Variants in SLC35D1 observed in about 807,000 individuals in gnomAD.
The protein encoded by SLC35D1 is solute carrier family 35 member D1, also known as nucleotide sugar transporter SLC35D1.
Under a neutral mutation model 46.7 loss-of-function variants are expected in SLC35D1, and 31 were observed. The ratio of observed to expected loss-of-function variants is 0.66; its 90% CI spans 0.50 to 0.90. SLC35D1 has a LOEUF of 0.90. SLC35D1 is among the 40% of genes least tolerant of loss of function. The pLI is 0.00. For synonymous variants in SLC35D1, 195 were observed against 164.6 expected (o/e 1.18, Z -1.41); for missense variants, 397 against 426.2 (o/e 0.93, Z 0.60).
intron 8 of SLC35D1, among the ~76,000 whole-genome samples, chr1:67,024,406 T>C (rs1489785405): frequency 6.6e-6 from 1 of 152,192 alleles, no homozygotes; most frequent in Non-Finnish European, 1.5e-5. Context: ...TTTCTTCTAG[T>C]TTTATGGTTT....
chr1:67,010,378 T>C (rs905032969), intron 10 of SLC35D1, among the ~76,000 whole-genome samples: 2 of 152,058 alleles, frequency 1.3e-5, no homozygotes, highest in African/African-American at 4.8e-5. Context: ...AAGGGAATGG[T>C]GGGGACTTTA....
chr1:66,986,081 A>G, the SLC35D1 span: 1 of 1,046,186 alleles, frequency 9.6e-7, no homozygotes. Flanking sequence ...ATACTTAGAT[A>G]TTGGCACACA....
chr1:67,039,876 G>C (rs1321575705), intron 8 of SLC35D1, among the ~76,000 whole-genome samples: 1 of 152,186 alleles, frequency 6.6e-6, no homozygotes, highest in Non-Finnish European at 1.5e-5. Context: ...ATAAAGCTAG[G>C]TGGGAGAGCA....
chr1:66,988,550 T>A, the SLC35D1 span: 10 of 151,944 alleles, frequency 6.6e-5, no homozygotes, highest in African/African-American at 2.4e-4. Context: ...TATGATTATT[T>A]TCAATTTGTC....
At chr1:66,981,699 G>A in the SLC35D1 span, 5 of 1,112,516 alleles carry the variant, frequency 4.5e-6, no homozygotes, top group Non-Finnish European at 6.5e-6. Flanking sequence ...TATTTGTTAA[G>A]AAAGCCTTCT....
At chr1:67,040,229 T>G (rs1385169097) in intron 8 of SLC35D1, among the ~76,000 whole-genome samples, 4 of 152,050 alleles carry the variant, frequency 2.6e-5, no homozygotes, top group African/African-American at 9.7e-5. Context: ...ATTCCTAGGC[T>G]CAAGCAATCT....
chr1:67,040,670 T>C (rs1424628990), intron 8 of SLC35D1, among the ~76,000 whole-genome samples: 2 of 152,192 alleles, frequency 1.3e-5, no homozygotes, highest in Non-Finnish European at 2.9e-5. Context: ...TTCCTGGTAT[T>C]TGCCCATTTA....
At chr1:66,995,482 A>C (rs12750386), downstream of SLC35D1, among the ~76,000 whole-genome samples, 2 of 116,096 alleles carry the variant, frequency 1.7e-5, no homozygotes, top group East Asian at 2.3e-4. Context: ...AAAAAAAAAA[A>C]CAGACCAAAA....
intron 8 of SLC35D1, among the ~76,000 whole-genome samples, chr1:67,021,887 T>C (rs975217191): frequency 6.6e-6 from 1 of 152,214 alleles, no homozygotes; most frequent in Admixed American, 6.5e-5. Flanking sequence ...GGGGATTTTA[T>C]ACTTCTCACT....
the SLC35D1 span, among the ~76,000 whole-genome samples, chr1:66,993,748 G>T: frequency 6.6e-6 from 1 of 152,122 alleles, no homozygotes; most frequent in East Asian, 1.9e-4. Flanking sequence ...TTGTTTAGAG[G>T]ATTAAAATGT....
At chr1:67,007,504 G>A (rs1249179499) in intron 11 of SLC35D1, among the ~76,000 whole-genome samples, 2 of 152,018 alleles carry the variant, frequency 1.3e-5, no homozygotes, top group African/African-American at 4.8e-5. Flanking sequence ...TGAAAGAGGG[G>A]GCACACTATT....
intron 8 of SLC35D1, among the ~76,000 whole-genome samples, chr1:67,032,397 T>C (rs1668034102): frequency 6.6e-6 from 1 of 152,202 alleles, no homozygotes; most frequent in South Asian, 2.1e-4. Context: ...AATCACATCA[T>C]GGGCTGGGCT....
intron 9 of SLC35D1, 136 bp from the exon 10 acceptor site, chr1:67,020,583 C>T (rs569749517): frequency 1.5e-6 from 1 of 680,226 alleles, no homozygotes; most frequent in African/African-American, 1.8e-5. Flanking sequence ...CTCACTGCTT[C>T]TTATACTGCA....
intron 6 of SLC35D1, 85 bp downstream of exon 6, chr1:67,049,697 T>A (rs1341044148): frequency 1.6e-6 from 2 of 1,214,328 alleles, no homozygotes; most frequent in Non-Finnish European, 2.4e-6. Flanking sequence ...ATTTAGGCAA[T>A]AAAAAATTGT....
chr1:67,045,640 CAG>C (rs1198552849), intron 7 of SLC35D1, among the ~76,000 whole-genome samples: 3 of 152,118 alleles, frequency 2.0e-5, no homozygotes, highest in Non-Finnish European at 4.4e-5. Flanking sequence ...ATAAAACACT[CAG>C]AAACTTTGAT....
the SLC35D1 span, among the ~76,000 whole-genome samples, chr1:66,989,804 G>A: frequency 3.3e-5 from 5 of 152,236 alleles, no homozygotes; most frequent in East Asian, 9.7e-4. Flanking sequence ...CTTAAATTGG[G>A]GGTGGTTTCT....
At chr1:66,996,861 G>A (rs1667242813), downstream of SLC35D1, among the ~76,000 whole-genome samples, 1 of 152,178 alleles carries the variant, frequency 6.6e-6, no homozygotes, top group East Asian at 1.9e-4. Flanking sequence ...CTCTAAGAGG[G>A]TTTTTTAAAG....
intron 8 of SLC35D1, among the ~76,000 whole-genome samples, chr1:67,032,792 T>C (rs559642608): frequency 9.9e-5 from 15 of 152,194 alleles, no homozygotes; most frequent in Admixed American, 2.6e-4. Flanking sequence ...TTTAGCTATA[T>C]TTTGAAATGA....
At chr1:66,987,714 A>G in the SLC35D1 span, 1 of 143,858 alleles carries the variant, frequency 7.0e-6, no homozygotes, top group Non-Finnish European at 1.5e-5. Context: ...TTAATTCACT[A>G]AGATTTTATT....
Sources: allele counts gnomAD v4.1 joint callset (sites outside exome capture counted in the v4.1 genomes callset), GRCh38; gene constraint gnomAD v4.1.1; transcripts MANE v1.5; gene names NCBI Gene and HGNC (gene_info 2026-07-23, HGNC 2026-07-21).